TARS3: variants seen among roughly 807,000 people sequenced by gnomAD.
TARS3 encodes threonine--tRNA ligase 2, cytoplasmic.
A neutral mutation model predicts 103.5 loss-of-function variants in TARS3; 94 were observed. The ratio of observed to expected loss-of-function variants is 0.91; its 90% CI spans 0.77 to 1.08. The LOEUF is 1.08. TARS3 is among the 50% of genes least tolerant of loss of function. The pLI, the probability that TARS3 is intolerant of heterozygous loss-of-function variation, is 0.00. For missense variants in TARS3, 952 were observed against 995.2 expected, an observed-to-expected ratio of 0.96 and a Z score of 0.58; for synonymous variants, 416 against 355.4, an observed-to-expected ratio of 1.17 and a Z score of -1.92.
intron 12 of TARS3, among the ~76,000 whole-genome samples, chr15:101,678,126 T>A (rs1264968886): frequency 6.6e-6 from 1 of 151,860 alleles, no homozygotes; most frequent in African/African-American, 2.4e-5. Flanking sequence ...ATTACAGGTG[T>A]GTGCCACCAC....
intron 10 of TARS3, among the ~76,000 whole-genome samples, chr15:101,687,986 T>G (rs1385475179): frequency 6.6e-6 from 1 of 152,154 alleles, no homozygotes; most frequent in East Asian, 1.9e-4. Flanking sequence ...AATACCCTTA[T>G]GTTGTTTATA....
rs544539045 is a variant in TARS3, at chr15:101,699,434, A to G, written c.1320+1652T>C. On this transcript the variant is annotated intron_variant, in intron 10 of 18. Transcript: ENST00000335968. ...TGTTCATCAGCCACATCTGTCTTGCATCTATAAAAAATAAGAGATCCCCTT... is the reference window on the plus strand; with the variant it reads ...TGTTCATCAGCCACATCTGTCTTGCGTCTATAAAAAATAAGAGATCCCCTT... 13 of 456,002 alleles carry G rather than the reference A, an allele frequency of 2.9e-5. No individual in the cohort carries two copies. In the East Asian group the frequency reaches 9.0e-4, roughly 32 times the overall value. The allele number at this position is 456,002 out of a possible 1,614,324, so 28.2% of individuals were successfully genotyped here.
At chr15:101,667,391 T>C (rs1897621939) in intron 15 of TARS3, among the ~76,000 whole-genome samples, 1 of 152,230 alleles carries the variant, frequency 6.6e-6, no homozygotes, top group Non-Finnish European at 1.5e-5. Context: ...TGACTTTTCC[T>C]TTCTAGCTAT....
intron 5 of TARS3, among the ~76,000 whole-genome samples, chr15:101,709,631 T>C (rs1899755221): frequency 6.6e-6 from 1 of 152,170 alleles, no homozygotes; most frequent in Non-Finnish European, 1.5e-5. Flanking sequence ...GATGTTCCTA[T>C]AGTCATCACC....
At chr15:101,703,801 A>G in intron 8 of TARS3, 58 bp downstream of exon 8, 1 of 1,024,612 alleles carries the variant, frequency 9.8e-7, no homozygotes, top group Non-Finnish European at 1.5e-6. Context: ...TATGATTAAA[A>G]TCCTTTAATA....
At chr15:101,656,168 A>G (rs1897191691) in intron 18 of TARS3, 1 of 754,964 alleles carries the variant, frequency 1.3e-6, no homozygotes, top group South Asian at 1.5e-5. Context: ...TCTACCTTTC[A>G]TGTCATGGGA....
At chr15:101,699,548 C>T (rs1899152208) in intron 10 of TARS3, 1 of 427,808 alleles carries the variant, frequency 2.3e-6, no homozygotes, top group Admixed American at 2.6e-5. Flanking sequence ...GCTGATTTTC[C>T]AGAGAAGACA....
At chr15:101,711,365 T>C (rs1899858276) in intron 5 of TARS3, among the ~76,000 whole-genome samples, 1 of 152,204 alleles carries the variant, frequency 6.6e-6, no homozygotes, top group Non-Finnish European at 1.5e-5. Flanking sequence ...CAATCTATAA[T>C]CATCTTATGC....
At chr15:101,662,149 T>A (rs932057020) in intron 15 of TARS3, among the ~76,000 whole-genome samples, 1 of 152,160 alleles carries the variant, frequency 6.6e-6, no homozygotes, top group Non-Finnish European at 1.5e-5. Flanking sequence ...TGCCACTATC[T>A]CCCACATTAT....
chr15:101,719,166 A>G (rs1900317292), intron 3 of TARS3, among the ~76,000 whole-genome samples: 1 of 152,240 alleles, frequency 6.6e-6, no homozygotes, highest in Non-Finnish European at 1.5e-5. Context: ...GGTGGCTTCA[A>G]GCAGAATCTG....
chr15:101,701,017 TTA>T, intron 10 of TARS3, 67 bp downstream of exon 10: 1 of 1,068,844 alleles, frequency 9.4e-7, no homozygotes, highest in South Asian at 1.7e-5. Flanking sequence ...GACCACTTTA[TTA>T]TGAGAGAAAA....
intron 15 of TARS3, among the ~76,000 whole-genome samples, chr15:101,670,154 T>A (rs1186119652): frequency 1.3e-5 from 2 of 152,108 alleles, no homozygotes; most frequent in African/African-American, 2.4e-5. Flanking sequence ...AAGAAAAAAA[T>A]GGAGAAATTA....
Position 101,684,129 on chromosome 15 carries a change from G to A in TARS3, c.1596C>T (p.Thr532=), listed in dbSNP as rs1471903170. 6.2e-7 allele frequency: 1 copy of A among 1,613,934 alleles called. No individual in the cohort carries two copies. The highest frequency in any genetic ancestry group is 1.1e-5 in the South Asian group (1 of 91,064). ...CGTCCTGCTGGAAGCGCCTCACTCT[G>A]GTCAAGCCGCTGAGAGTCCCCGACA... ...NELSGTLSGL[T]RVRRFQQDDA... Residue 532 remains threonine, a synonymous_variant, in exon 12 of 19, where the codon ACC becomes ACT. Coordinates refer to ENST00000335968, the MANE Select transcript of TARS3 (RefSeq NM_152334.3).
intron 2 of TARS3, 36 bp from the exon 3 acceptor site, chr15:101,721,358 A>G (rs1900449873): frequency 6.5e-7 from 1 of 1,534,272 alleles, no homozygotes; most frequent in Non-Finnish European, 9.0e-7. Context: ...ATTAATATAT[A>G]CAGCCTACTG....
At chr15:101,659,627 T>C (rs1029874333) in intron 16 of TARS3, among the ~76,000 whole-genome samples, 17 of 152,290 alleles carry the variant, frequency 1.1e-4, no homozygotes, top group Middle Eastern at 3.4e-3. Context: ...TCACTAGTTC[T>C]CTCTCTTTTC....
chr15:101,681,530 T>C (rs897299116), intron 12 of TARS3, among the ~76,000 whole-genome samples: 2 of 152,336 alleles, frequency 1.3e-5, no homozygotes, highest in South Asian at 2.1e-4. Context: ...CAAAAATCCA[T>C]AGGCTGTGTG....
At chr15:101,683,259 C>T (rs988310439) in intron 12 of TARS3, among the ~76,000 whole-genome samples, 1 of 152,194 alleles carries the variant, frequency 6.6e-6, no homozygotes, top group Non-Finnish European at 1.5e-5. Context: ...CCCTCTACCA[C>T]TTAAATCGCA....
At chr15:101,679,854 G>A (rs1310308192) in intron 12 of TARS3, among the ~76,000 whole-genome samples, 4 of 152,220 alleles carry the variant, frequency 2.6e-5, no homozygotes, top group South Asian at 4.1e-4. Context: ...TAGAAAGGAA[G>A]TAAGGGGAGA....
At chr15:101,660,945 T>A (rs1897352112) in intron 16 of TARS3, among the ~76,000 whole-genome samples, 2 of 152,248 alleles carry the variant, frequency 1.3e-5, no homozygotes, top group Non-Finnish European at 2.9e-5. Flanking sequence ...TTCTGAGTGA[T>A]CATCCACATT....
Sources: allele counts gnomAD v4.1 joint callset (sites outside exome capture counted in the v4.1 genomes callset), GRCh38; gene constraint gnomAD v4.1.1; transcripts MANE v1.5; gene names NCBI Gene and HGNC (gene_info 2026-07-23, HGNC 2026-07-21).